The following CSMD3 variants were observed in gnomAD, a reference collection of about 807,000 sequenced individuals.
CSMD3 encodes the protein CUB and sushi domain-containing protein 3.
A neutral mutation model predicts 435.2 loss-of-function variants in CSMD3; 177 were observed. The ratio of observed to expected loss-of-function variants is 0.41; its 90% CI spans 0.36 to 0.46. The LOEUF (loss-of-function observed/expected upper bound fraction) is 0.46, where lower values mean the gene tolerates loss of function less well. CSMD3 is among the 20% of genes least tolerant of loss of function. The pLI is 0.34. For synonymous variants in CSMD3, 1,656 were observed against 1,520.5 expected (o/e 1.09, Z -2.07); for missense variants, 4,265 against 4,504.6 (o/e 0.95, Z 1.52).
intron 13 of CSMD3, among the ~76,000 whole-genome samples, chr8:112,746,620 T>A (rs1052299554): frequency 6.1e-5 from 9 of 147,398 alleles, no homozygotes; most frequent in African/African-American, 2.3e-4. Context: ...GGCTGTTTTA[T>A]TAATAATAGA....
At chr8:112,400,867 T>G (rs1211820310) in intron 35 of CSMD3, among the ~76,000 whole-genome samples, 1 of 152,186 alleles carries the variant, frequency 6.6e-6, no homozygotes, top group African/African-American at 2.4e-5. Context: ...TCATGTAGAA[T>G]AGGGGCCCTC....
chr8:113,307,243 T>C (rs2093828688), intron 2 of CSMD3, among the ~76,000 whole-genome samples: 1 of 152,170 alleles, frequency 6.6e-6, no homozygotes, highest in South Asian at 2.1e-4. Flanking sequence ...AAACATGCTT[T>C]ATTATAATTG....
chr8:112,871,891 A>G (rs1213495689), intron 10 of CSMD3, among the ~76,000 whole-genome samples: 1 of 152,122 alleles, frequency 6.6e-6, no homozygotes, highest in Non-Finnish European at 1.5e-5. Context: ...AACCACAAAA[A>G]TAAGGATTTA....
At chr8:112,319,430 G>A (rs1283162100) in intron 46 of CSMD3, among the ~76,000 whole-genome samples, 1 of 151,760 alleles carries the variant, frequency 6.6e-6, no homozygotes, top group Admixed American at 6.6e-5. Context: ...GGCATTATTT[G>A]GGTTGAATTT....
At chr8:112,668,527 T>C (rs2075580235) in intron 16 of CSMD3, among the ~76,000 whole-genome samples, 1 of 152,032 alleles carries the variant, frequency 6.6e-6, no homozygotes, top group African/African-American at 2.4e-5. Flanking sequence ...AGCCACTCAG[T>C]GCAAAATGTG....
At chr8:112,856,575 G>T (rs1373395984) in intron 11 of CSMD3, among the ~76,000 whole-genome samples, 1 of 151,842 alleles carries the variant, frequency 6.6e-6, no homozygotes, top group Non-Finnish European at 1.5e-5. Context: ...GCAACCTTAT[G>T]ATGTGGTATT....
chr8:112,742,692 A>T (rs558363813), intron 13 of CSMD3, among the ~76,000 whole-genome samples: 49 of 152,048 alleles, frequency 3.2e-4, no homozygotes, highest in African/African-American at 1.1e-3. Context: ...TGTCTCGATG[A>T]TTGAAAAAAA....
intron 1 of CSMD3, among the ~76,000 whole-genome samples, chr8:113,386,933 C>T (rs114798157): frequency 2.6e-5 from 4 of 151,670 alleles, no homozygotes; most frequent in East Asian, 1.9e-4. Flanking sequence ...AAGAAGAGAG[C>T]TTCCCGCAAT....
At chr8:112,773,257 C>G (rs951876901) in intron 13 of CSMD3, among the ~76,000 whole-genome samples, 3 of 151,864 alleles carry the variant, frequency 2.0e-5, no homozygotes, top group Non-Finnish European at 4.4e-5. Flanking sequence ...ATTTAGTATC[C>G]TTGAAAAAGC....
rs560417905 is a variant in CSMD3 at position 112,501,027 on chromosome 8, C to T, written c.5083+2763G>A. 7.2e-5 allele frequency among the ~76,000 whole-genome samples: 11 copies of T among 152,168 alleles called. No homozygotes were observed. The South Asian group carries it at 1.5e-3, about 20-fold the overall frequency. Reference sequence around the variant, plus strand: ...CCTCAAGCCTGCCTATAAAATCTGACGCAGTCAACAGTGGGCTGGCTTTCC... The same window carrying T: ...CCTCAAGCCTGCCTATAAAATCTGATGCAGTCAACAGTGGGCTGGCTTTCC... On this transcript the variant is annotated intron_variant, in intron 30 of 70. Transcript: ENST00000297405.
At chr8:112,356,473 G>A (rs1310842415) in intron 38 of CSMD3, among the ~76,000 whole-genome samples, 2 of 152,014 alleles carry the variant, frequency 1.3e-5, no homozygotes, top group Non-Finnish European at 2.9e-5. Context: ...ACATGTGGAT[G>A]AAGATTGAAA....
At chr8:112,518,928 G>C (rs967616055) in intron 27 of CSMD3, among the ~76,000 whole-genome samples, 7 of 151,968 alleles carry the variant, frequency 4.6e-5, no homozygotes, top group Non-Finnish European at 1.0e-4. Flanking sequence ...AGAGAGTGAA[G>C]GGGAAAGTGC....
chr8:112,709,353 C>T (rs560103962), intron 13 of CSMD3, among the ~76,000 whole-genome samples: 1 of 152,066 alleles, frequency 6.6e-6, no homozygotes, highest in South Asian at 2.1e-4. Flanking sequence ...TATTTGACCC[C>T]GCGGCCATCT....
intron 1 of CSMD3, among the ~76,000 whole-genome samples, chr8:113,391,210 A>G (rs979248502): frequency 1.3e-5 from 2 of 152,044 alleles, no homozygotes; most frequent in African/African-American, 4.8e-5. Context: ...GGAAAGATCC[A>G]TGTTCAAGTG....
At chr8:112,361,572 CATATATATATATATATATATATATAT>C (rs4030099) in intron 38 of CSMD3, among the ~76,000 whole-genome samples, 72 of 107,188 alleles carry the variant, frequency 6.7e-4, no homozygotes, top group Admixed American at 1.2e-3. Flanking sequence ...TATACACATA[CATATATATATATATATATATATATAT>C]ATATATATAT....
intron 11 of CSMD3, among the ~76,000 whole-genome samples, chr8:112,845,696 G>T (rs956424389): frequency 2.0e-5 from 3 of 151,978 alleles, no homozygotes; most frequent in Non-Finnish European, 2.9e-5. Context: ...AAAGTAACAG[G>T]CTTGGAGTAA....
chr8:112,645,331 A>G (rs536440208), intron 19 of CSMD3, 106 bp from the exon 20 acceptor site: 2 of 750,264 alleles, frequency 2.7e-6, no homozygotes, highest in Admixed American at 1.8e-5. Flanking sequence ...ATCTTTGCTT[A>G]TGCTACCTCC....
chr8:113,342,321 C>T (rs1031081376), intron 1 of CSMD3, among the ~76,000 whole-genome samples: 3 of 152,040 alleles, frequency 2.0e-5, no homozygotes, highest in Admixed American at 6.6e-5. Flanking sequence ...TTCTCTAATG[C>T]GCTTTCAAAA....
chr8:112,245,376 T>A (rs888169717), intron 64 of CSMD3, among the ~76,000 whole-genome samples: 1 of 152,140 alleles, frequency 6.6e-6, no homozygotes, highest in Non-Finnish European at 1.5e-5. Flanking sequence ...TGTTCATAGA[T>A]ATACATCCAT....
Sources: gnomAD v4.1 joint callset for allele counts (sites outside exome capture counted in the v4.1 genomes callset) on GRCh38, gnomAD v4.1.1 for gene constraint, MANE v1.5 for transcripts, NCBI Gene and HGNC (gene_info 2026-07-23, HGNC 2026-07-21) for gene names.